Variants in HS3ST4 observed in about 807,000 individuals in gnomAD.
HS3ST4 encodes the protein heparan sulfate glucosamine 3-O-sulfotransferase 4.
In HS3ST4, 17 loss-of-function variants were observed where a neutral mutation model predicts 29.2. The observed-to-expected ratio is 0.58, with a 90% CI of 0.40 to 0.87. The LOEUF is 0.87. Ranked by LOEUF, HS3ST4 falls within the 40% of genes least tolerant of loss-of-function variation. The pLI, the probability that HS3ST4 is intolerant of heterozygous loss-of-function variation, is 0.00. For missense variants in HS3ST4, 627 were observed against 634.5 expected (o/e 0.99, Z 0.13); for synonymous variants, 314 against 285.7 (o/e 1.10, Z -1.00).
intron 1 of HS3ST4, among the ~76,000 whole-genome samples, chr16:25,828,300 C>CTTTCTTTCTTTCTTT (rs1567249517): frequency 1.2e-4 from 7 of 56,806 alleles, no homozygotes; most frequent in East Asian, 4.4e-4. Context: ...TTCTTTCTTT[C>CTTTCTTTCTTTCTTT]CCTCTCTCTC....
intron 1 of HS3ST4, among the ~76,000 whole-genome samples, chr16:25,982,155 C>T (rs1969012894): frequency 6.6e-6 from 1 of 152,190 alleles, no homozygotes; most frequent in Non-Finnish European, 1.5e-5. Context: ...TAGAGAGCAT[C>T]CAGCTTGGCC....
chr16:25,972,048 G>A (rs1340747815), intron 1 of HS3ST4, among the ~76,000 whole-genome samples: 1 of 152,146 alleles, frequency 6.6e-6, no homozygotes, highest in Non-Finnish European at 1.5e-5. Flanking sequence ...TCCTGAGCTG[G>A]GCCTTGGTTC....
At chr16:25,754,351 GCCATTCATCCACCCACCCACCCA>G (rs2141603193) in intron 1 of HS3ST4, among the ~76,000 whole-genome samples, 1 of 147,956 alleles carries the variant, frequency 6.8e-6, no homozygotes, top group South Asian at 2.2e-4. Context: ...CATTCATTTA[GCCATTCATCCACCCACCCACCCA>G]TTCACTTAGC....
intron 1 of HS3ST4, among the ~76,000 whole-genome samples, chr16:25,789,817 T>C (rs1966865010): frequency 6.6e-6 from 1 of 152,296 alleles, no homozygotes; most frequent in South Asian, 2.1e-4. Context: ...GAACTTCATA[T>C]ATATGGAATA....
At chr16:26,045,761 C>G (rs560598120) in intron 1 of HS3ST4, among the ~76,000 whole-genome samples, 2 of 152,264 alleles carry the variant, frequency 1.3e-5, no homozygotes, top group Non-Finnish European at 2.9e-5. Flanking sequence ...TACTGTTTTC[C>G]TGCACTTTTA....
intron 1 of HS3ST4, among the ~76,000 whole-genome samples, chr16:25,862,790 T>A (rs1197761694): frequency 1.3e-5 from 2 of 152,260 alleles, no homozygotes; most frequent in Non-Finnish European, 1.5e-5. Flanking sequence ...CTTTCTCTCT[T>A]ACAGAAGTGA....
intron 1 of HS3ST4, among the ~76,000 whole-genome samples, chr16:25,991,126 CA>C (rs1457128222): frequency 1.3e-5 from 2 of 152,058 alleles, no homozygotes; most frequent in African/African-American, 4.8e-5. Context: ...AGGACCTCAG[CA>C]TGCTCTCCAA....
chr16:25,830,273 C>T (rs963473847), intron 1 of HS3ST4, among the ~76,000 whole-genome samples: 3 of 152,204 alleles, frequency 2.0e-5, no homozygotes, highest in East Asian at 1.9e-4. Flanking sequence ...GATCAGTGCA[C>T]GTTTCACGAT....
chr16:26,119,072 A>G (rs1382123453), intron 1 of HS3ST4, among the ~76,000 whole-genome samples: 1 of 152,202 alleles, frequency 6.6e-6, no homozygotes, highest in Non-Finnish European at 1.5e-5. Context: ...TTCATTTTTG[A>G]TTTAAAAAAC....
chr16:26,060,254 C>T (rs1421045252), intron 1 of HS3ST4, among the ~76,000 whole-genome samples: 1 of 152,186 alleles, frequency 6.6e-6, no homozygotes, highest in Non-Finnish European at 1.5e-5. Flanking sequence ...GAAGCAGGTG[C>T]AGTCATTTGA....
chr16:25,713,501 C>T (rs1057443367), intron 1 of HS3ST4, among the ~76,000 whole-genome samples: 2 of 151,656 alleles, frequency 1.3e-5, no homozygotes, highest in Non-Finnish European at 2.9e-5. Context: ...GCACTCCAGC[C>T]TGGGTGACAA....
intron 1 of HS3ST4, among the ~76,000 whole-genome samples, chr16:25,701,856 A>G (rs1020352065): frequency 6.6e-6 from 1 of 152,336 alleles, no homozygotes; most frequent in South Asian, 2.1e-4. Flanking sequence ...GAATGGAAGG[A>G]TGGTTCAATC....
intron 1 of HS3ST4, among the ~76,000 whole-genome samples, chr16:25,883,145 A>ATT (rs10581302): frequency 2.8e-5 from 4 of 142,102 alleles, no homozygotes; most frequent in Admixed American, 1.4e-4. Context: ...GGCCCATACG[A>ATT]TTTTTTTTTT....
rs922945163 is a variant in HS3ST4 at position 25,935,139 on chromosome 16, C to T, written c.735-200473C>T. 1.4e-4 allele frequency among the ~76,000 whole-genome samples: 22 copies of T among 152,246 alleles called. 1 individual carries two copies. The highest frequency in any genetic ancestry group is 1.2e-3 in the Admixed American group (18 of 15,284). ...CACCTTCCACCATGATTGTAAGTTT[C>T]CTGAGGCCTCCCCAGCCATGTGGAA... On this transcript the variant is annotated intron_variant, in intron 1 of 1. Coordinates refer to ENST00000331351, the MANE Select transcript of HS3ST4 (RefSeq NM_006040.3).
intron 1 of HS3ST4, among the ~76,000 whole-genome samples, chr16:25,941,418 C>CGAA (rs34447790): frequency 0.16 from 24,765 of 152,060 alleles, 2,162 homozygotes; most frequent in African/African-American, 0.2. Context: ...CTTGGCCACC[C>CGAA]GAAGTGCTAG....
At chr16:25,928,512 C>G (rs535258084) in intron 1 of HS3ST4, among the ~76,000 whole-genome samples, 2 of 152,328 alleles carry the variant, frequency 1.3e-5, no homozygotes, top group South Asian at 4.1e-4. Context: ...ATCTTCCAAT[C>G]TAACAAGCAC....
intron 1 of HS3ST4, among the ~76,000 whole-genome samples, chr16:25,867,980 T>C (rs1211351367): frequency 6.6e-6 from 1 of 152,118 alleles, no homozygotes; most frequent in Non-Finnish European, 1.5e-5. Flanking sequence ...GTAGGTATTA[T>C]GTAAGTATGG....
rs113057639 is a variant in HS3ST4 at position 25,895,488 on chromosome 16, G to T, written c.734+202337G>T. 1.8e-3 allele frequency among the ~76,000 whole-genome samples: 278 copies of T among 152,038 alleles called. 1 individual carries two copies. Among genetic ancestry groups the T allele is most frequent in the South Asian group, 4.0e-3 (19 of 4,796 alleles). ...GTCACAGGAGAGTTGTCAGGGGCTC[G>T]ATAAGCAGGCAGTGGACCAGAGAAG... On this transcript the variant is annotated intron_variant, in intron 1 of 1. Coordinates refer to ENST00000331351, the MANE Select transcript of HS3ST4 (RefSeq NM_006040.3).
intron 1 of HS3ST4, among the ~76,000 whole-genome samples, chr16:25,955,708 T>C (rs569469688): frequency 9.9e-5 from 15 of 152,266 alleles, no homozygotes; most frequent in African/African-American, 3.1e-4. Flanking sequence ...GGTTGGTGTG[T>C]TTTAGGCACT....
Sources: gnomAD v4.1 joint callset for allele counts (sites outside exome capture counted in the v4.1 genomes callset) on GRCh38, gnomAD v4.1.1 for gene constraint, MANE v1.5 for transcripts, NCBI Gene and HGNC (gene_info 2026-07-23, HGNC 2026-07-21) for gene names.